PTER: variants seen among roughly 807,000 people sequenced by gnomAD.
The protein encoded by PTER is phosphotriesterase related.
Under a neutral mutation model 29.6 loss-of-function variants are expected in PTER, and 38 were observed. That is an observed-to-expected ratio of 1.28 (90% CI 0.99 to 1.68). PTER has a LOEUF of 1.68. Ranked by LOEUF, PTER falls within the 40% of genes most tolerant of loss-of-function variation. PTER has a pLI of 0.00. For missense variants in PTER, 482 were observed against 427.8 expected, an observed-to-expected ratio of 1.13 and a Z score of -1.12; for synonymous variants, 172 against 154.5, an observed-to-expected ratio of 1.11 and a Z score of -0.84.
chr10:16,462,986 G>A (rs1414680911), intron 1 of PTER, among the ~76,000 whole-genome samples: 1 of 151,154 alleles, frequency 6.6e-6, no homozygotes, highest in African/African-American at 2.4e-5. Flanking sequence ...AAGGTCAGGA[G>A]ATGGAGACCA....
At chr10:16,442,651 G>A (rs190577324) in intron 1 of PTER, among the ~76,000 whole-genome samples, 1 of 152,148 alleles carries the variant, frequency 6.6e-6, no homozygotes. Context: ...TGCCTGGCCA[G>A]CTCTTTTGAC....
chr10:16,502,675 T>C (rs1456609339), intron 3 of PTER, among the ~76,000 whole-genome samples: 5 of 152,084 alleles, frequency 3.3e-5, no homozygotes, highest in African/African-American at 1.2e-4. Flanking sequence ...GGAGGCTTAA[T>C]TGGTTCTCCT....
At chr10:16,448,439 A>G (rs1340476507) in intron 1 of PTER, among the ~76,000 whole-genome samples, 1 of 152,206 alleles carries the variant, frequency 6.6e-6, no homozygotes, top group East Asian at 1.9e-4. Flanking sequence ...CCAACAGTCT[A>G]AATAGGCCCA....
intron 1 of PTER, among the ~76,000 whole-genome samples, chr10:16,450,201 G>A (rs1261241954): frequency 6.6e-6 from 1 of 152,170 alleles, no homozygotes; most frequent in East Asian, 1.9e-4. Flanking sequence ...GGCCTACTGG[G>A]ACTTTAGTCT....
downstream of PTER, chr10:16,514,802 A>G (rs999118888): frequency 9.1e-6 from 8 of 877,680 alleles, no homozygotes; most frequent in African/African-American, 5.1e-5. Flanking sequence ...ACTTGCTGCC[A>G]TAGTACAGAA....
chr10:16,508,199 G>T (rs999077326), intron 4 of PTER, among the ~76,000 whole-genome samples: 1 of 151,246 alleles, frequency 6.6e-6, no homozygotes, highest in African/African-American at 2.4e-5. Context: ...CTCCCGAGTA[G>T]CTGGGACTAC....
downstream of PTER, chr10:16,514,358 A>G (rs1315970098): frequency 1.0e-5 from 6 of 598,514 alleles, no homozygotes; most frequent in South Asian, 6.5e-5. Flanking sequence ...GATATTTTTT[A>G]CATAATGTTT....
intron 3 of PTER, among the ~76,000 whole-genome samples, chr10:16,496,916 A>G (rs1322514790): frequency 6.6e-6 from 1 of 150,464 alleles, no homozygotes; most frequent in African/African-American, 2.5e-5. Context: ...TTTGCCTCTC[A>G]GCAGGTGGTT....
intron 3 of PTER, among the ~76,000 whole-genome samples, chr10:16,487,859 A>T (rs181155144): frequency 3.0e-4 from 46 of 152,300 alleles, no homozygotes; most frequent in African/African-American, 1.0e-3. Context: ...GACCAGACAG[A>T]TTGCTATTTC....
At position 16,464,701 on chromosome 10, in the gene PTER, C is replaced by A. The variant is rs149215584; in HGVS notation, c.-48-19636C>A. On this transcript the variant is annotated intron_variant, in intron 1 of 4. Transcript: ENST00000535784. ...TCATATCATCAGAATGTCTCTGTGA[C>A]AAGCCACCTCCTCCAGGAAGCCTTC... 1.6e-3 allele frequency among the ~76,000 whole-genome samples: 241 copies of A among 152,292 alleles called. 2 individuals are homozygous for A. Among genetic ancestry groups the A allele is most frequent in the African/African-American group, 5.4e-3 (225 of 41,554 alleles).
At position 16,451,852 on chromosome 10, in the gene PTER, G is replaced by A. The variant is rs143714878; in HGVS notation, c.-49+14805G>A. ...TTCATAGATGAAATAAAATGAATTC[G>A]TTACAAGACATTGTGGAGATGTTGC... On this transcript the variant is annotated intron_variant, in intron 1 of 4. Coordinates refer to ENST00000535784, the MANE Select transcript of PTER (RefSeq NM_001261836.2). 3.6e-3 allele frequency among the ~76,000 whole-genome samples: 553 copies of A among 152,224 alleles called. 6 individuals are homozygous for A. The highest frequency in any genetic ancestry group is 0.012 in the African/African-American group (512 of 41,516).
intron 1 of PTER, among the ~76,000 whole-genome samples, chr10:16,457,106 A>G (rs1236685923): frequency 6.6e-6 from 1 of 152,162 alleles, no homozygotes; most frequent in African/African-American, 2.4e-5. Flanking sequence ...CCCAGAGTGA[A>G]TTAGTGAATA....
chr10:16,501,572 A>G (rs1836352395), intron 3 of PTER, among the ~76,000 whole-genome samples: 1 of 152,126 alleles, frequency 6.6e-6, no homozygotes, highest in African/African-American at 2.4e-5. Context: ...TGGGATTTTC[A>G]CTTTCTTCCC....
At chr10:16,454,272 C>T (rs1464559762) in intron 1 of PTER, among the ~76,000 whole-genome samples, 1 of 151,990 alleles carries the variant, frequency 6.6e-6, no homozygotes, top group Non-Finnish European at 1.5e-5. Flanking sequence ...TACTATTATT[C>T]GTATAAATAC....
At chr10:16,505,488 A>G (rs1242800722) in intron 4 of PTER, among the ~76,000 whole-genome samples, 1 of 152,218 alleles carries the variant, frequency 6.6e-6, no homozygotes, top group Non-Finnish European at 1.5e-5. Context: ...CCCTAATGAA[A>G]TAAGCTGTTC....
downstream of PTER, among the ~76,000 whole-genome samples, chr10:16,515,191 C>G (rs1194864798): frequency 6.8e-6 from 1 of 147,940 alleles, no homozygotes; most frequent in Non-Finnish European, 1.5e-5. Flanking sequence ...TAAAAATACC[C>G]AGGAAAATAC....
rs898409436 is a variant in PTER, at chr10:16,513,686, G to T, written c.*2430G>T. 1 of 152,470 alleles carries T rather than the reference G, an allele frequency of 6.6e-6. No homozygotes were observed. The highest frequency in any genetic ancestry group is 2.4e-5 in the African/African-American group (1 of 41,416). 9.4% of individuals were successfully genotyped at this position (152,470 alleles called of 1,614,324 possible). On this transcript the variant is annotated 3_prime_UTR_variant, in exon 5 of 5. Transcript: ENST00000535784. ...ATGAATAATCTTTTCTTCCAAAGAT[G>T]GCAAAAGCCTCGGTTTGATTTGATA... is the stretch of plus-strand genomic sequence containing the variant.
Position 16,513,027 on chromosome 10 carries a change from C to G in PTER, c.*1771C>G, listed in dbSNP as rs553596358. ...AAAAAAGAAAAAAAAATTGATAGCTCAAATGCATGTAATTCATAAACACTG... is the reference window on the plus strand; with the variant it reads ...AAAAAAGAAAAAAAAATTGATAGCTGAAATGCATGTAATTCATAAACACTG... On this transcript the variant is annotated 3_prime_UTR_variant, in exon 5 of 5. Coordinates refer to ENST00000535784, the MANE Select transcript of PTER (RefSeq NM_001261836.2). The G allele has an allele frequency of 2.0e-5, 3 of 152,556 alleles. No homozygotes were observed. The East Asian group carries it at 5.8e-4, about 29-fold the overall frequency. The allele number at this position is 152,556 out of a possible 1,614,324, so 9.5% of individuals were successfully genotyped here. A position where few individuals can be genotyped will look rare whatever the true frequency, so the allele number is the denominator to read the frequency against.
intron 1 of PTER, chr10:16,475,910 T>G (rs1227257429): frequency 1.3e-5 from 2 of 152,200 alleles, no homozygotes; most frequent in Non-Finnish European, 2.9e-5. Flanking sequence ...TATTGCTAAT[T>G]TTTTTGAAAG....
Sources: gnomAD v4.1 joint callset for allele counts (sites outside exome capture counted in the v4.1 genomes callset) on GRCh38, gnomAD v4.1.1 for gene constraint, MANE v1.5 for transcripts, NCBI Gene and HGNC (gene_info 2026-07-23, HGNC 2026-07-21) for gene names.